The following ANXA8 variants were observed in gnomAD, a reference collection of about 807,000 sequenced individuals.
ANXA8 encodes annexin A8.
ANXA8 carries 9 observed loss-of-function variants against 26.8 expected under a neutral mutation model. The observed-to-expected ratio is 0.34, with a 90% CI of 0.20 to 0.59. The LOEUF (loss-of-function observed/expected upper bound fraction) is 0.59, where lower values mean the gene tolerates loss of function less well. ANXA8 is among the 20% of genes least tolerant of loss of function. ANXA8 has a pLI of 0.84. For synonymous variants in ANXA8, 39 were observed against 94.8 expected (o/e 0.41, Z 3.42); for missense variants, 83 against 238.5 (o/e 0.35, Z 4.29).
the ANXA8 span, among the ~76,000 whole-genome samples, chr10:47,673,351 C>T: frequency 3.3e-3 from 498 of 151,602 alleles, no homozygotes; most frequent in African/African-American, 0.011. Flanking sequence ...GCTTTCAGTT[C>T]TGGAATGCTG....
At chr10:47,650,552 A>T in the ANXA8 span, among the ~76,000 whole-genome samples, 1 of 150,714 alleles carries the variant, frequency 6.6e-6, no homozygotes, top group Non-Finnish European at 1.5e-5. Context: ...CACGCCTGTA[A>T]TCCCAGCACT....
the ANXA8 span, chr10:47,760,854 C>T: frequency 7.2e-7 from 1 of 1,387,810 alleles, no homozygotes; most frequent in Non-Finnish European, 9.7e-7. Flanking sequence ...GGGCATCGGC[C>T]CACTCTCCAC....
the ANXA8 span, among the ~76,000 whole-genome samples, chr10:47,688,544 C>T: frequency 2.6e-5 from 4 of 151,534 alleles, no homozygotes; most frequent in Non-Finnish European, 4.4e-5. Context: ...GCCTCAGACT[C>T]CCGAGTAACT....
the ANXA8 span, among the ~76,000 whole-genome samples, chr10:47,656,385 G>A: frequency 6.7e-5 from 10 of 150,148 alleles, no homozygotes; most frequent in East Asian, 1.2e-3. Context: ...GCAACAGAGG[G>A]AAACCCTGTC....
the ANXA8 span, among the ~76,000 whole-genome samples, chr10:47,684,594 G>GA: frequency 1.3e-5 from 2 of 151,650 alleles, no homozygotes; most frequent in Non-Finnish European, 2.9e-5. Context: ...TTTTTTTTGA[G>GA]ATTTTTTTTG....
chr10:47,942,504 A>G, the ANXA8 span, among the ~76,000 whole-genome samples: 9 of 139,114 alleles, frequency 6.5e-5, no homozygotes, highest in African/African-American at 2.6e-4. Context: ...TTTCTCCCAC[A>G]GATTGCTGGC....
the ANXA8 span, among the ~76,000 whole-genome samples, chr10:47,958,653 C>G: frequency 6.8e-6 from 1 of 147,892 alleles, no homozygotes; most frequent in African/African-American, 2.6e-5. Flanking sequence ...AGGTACTCCC[C>G]GGCTAACCCT....
At chr10:47,587,946 T>C in the ANXA8 span, among the ~76,000 whole-genome samples, 3 of 145,934 alleles carry the variant, frequency 2.1e-5, no homozygotes, top group East Asian at 5.8e-4. Context: ...AAGCTTGAGA[T>C]GCTCCTTAGA....
chr10:47,747,941 T>C, the ANXA8 span, among the ~76,000 whole-genome samples: 2 of 151,610 alleles, frequency 1.3e-5, no homozygotes, highest in African/African-American at 4.8e-5. Flanking sequence ...GGAACATTCT[T>C]TGAACTGTAA....
the ANXA8 span, chr10:47,589,287 A>T: frequency 6.8e-6 from 1 of 147,158 alleles, no homozygotes. Flanking sequence ...AGTATTCTGA[A>T]AAGTGTTGTG....
At chr10:47,705,888 C>G in the ANXA8 span, among the ~76,000 whole-genome samples, 2 of 150,424 alleles carry the variant, frequency 1.3e-5, no homozygotes, top group Non-Finnish European at 3.0e-5. Context: ...CTTTTTTTGC[C>G]TTTAAAGTAA....
At chr10:47,485,495 A>G (rs1840019391), upstream of ANXA8, among the ~76,000 whole-genome samples, 2 of 152,188 alleles carry the variant, frequency 1.3e-5, no homozygotes, top group South Asian at 2.1e-4. Flanking sequence ...GACATTGGCT[A>G]TACCTGGGCT....
chr10:47,605,770 T>C, the ANXA8 span, among the ~76,000 whole-genome samples: 1 of 149,524 alleles, frequency 6.7e-6, no homozygotes, highest in Non-Finnish European at 1.5e-5. Context: ...AAGAAGGAGA[T>C]AGATCAAAAG....
chr10:47,958,599 C>G, the ANXA8 span, among the ~76,000 whole-genome samples: 9 of 148,400 alleles, frequency 6.1e-5, 2 homozygotes, highest in African/African-American at 2.3e-4. Context: ...TCTAACAGGC[C>G]TGTGGTCTGA....
chr10:47,575,246 G>A, the ANXA8 span, among the ~76,000 whole-genome samples: 20 of 137,330 alleles, frequency 1.5e-4, no homozygotes, highest in Admixed American at 4.4e-4. Context: ...AAAGAAAGAA[G>A]GAAGGAAGGA....
At chr10:47,675,630 G>T in the ANXA8 span, among the ~76,000 whole-genome samples, 1 of 151,562 alleles carries the variant, frequency 6.6e-6, no homozygotes, top group African/African-American at 2.4e-5. Context: ...CAGAAAAATT[G>T]TCATGTCTTT....
the ANXA8 span, among the ~76,000 whole-genome samples, chr10:47,489,959 C>T: frequency 7.3e-5 from 11 of 150,662 alleles, no homozygotes; most frequent in African/African-American, 1.2e-4. Flanking sequence ...TGCTGGGAGA[C>T]GAGCTCAATG....
the ANXA8 span, among the ~76,000 whole-genome samples, chr10:47,563,839 A>G: frequency 2.8e-4 from 42 of 152,058 alleles, no homozygotes; most frequent in Non-Finnish European, 5.1e-4. Flanking sequence ...CAATTACTCT[A>G]AATTAAGATA....
the ANXA8 span, among the ~76,000 whole-genome samples, chr10:47,525,907 C>T: frequency 4.7e-5 from 6 of 128,912 alleles, 1 homozygote; most frequent in East Asian, 6.4e-4. Flanking sequence ...CGGGCTCAAG[C>T]GATTCTCCTG....
Sources: allele counts gnomAD v4.1 joint callset (sites outside exome capture counted in the v4.1 genomes callset), GRCh38; gene constraint gnomAD v4.1.1; transcripts MANE v1.5; gene names NCBI Gene and HGNC (gene_info 2026-07-23, HGNC 2026-07-21).